The following COBL variants were observed in gnomAD, a reference collection of about 807,000 sequenced individuals.
The protein encoded by COBL is protein cordon-bleu.
COBL carries 51 observed loss-of-function variants against 98.8 expected under a neutral mutation model. That is an observed-to-expected ratio of 0.52 (90% CI 0.41 to 0.65). The LOEUF is 0.65. COBL is among the 30% of genes least tolerant of loss of function. The pLI, the probability that COBL is intolerant of heterozygous loss-of-function variation, is 0.00. For missense variants in COBL, 1,617 were observed against 1,617.5 expected, an observed-to-expected ratio of 1.00 and a Z score of 0.01; for synonymous variants, 634 against 651.7, an observed-to-expected ratio of 0.97 and a Z score of 0.41.
intron 5 of COBL, among the ~76,000 whole-genome samples, chr7:51,141,377 A>T (rs1292834306): frequency 1.3e-5 from 2 of 152,160 alleles, no homozygotes; most frequent in Admixed American, 6.5e-5. Flanking sequence ...ATGGGATCAG[A>T]TCCTCTTAGA....
At chr7:51,315,722 C>A (rs1430589812) in intron 1 of COBL, among the ~76,000 whole-genome samples, 1 of 151,952 alleles carries the variant, frequency 6.6e-6, no homozygotes, top group Non-Finnish European at 1.5e-5. Context: ...CCGGGATGAG[C>A]ACGGCGCACC....
intron 1 of COBL, among the ~76,000 whole-genome samples, chr7:51,220,226 G>A (rs892228947): frequency 2.6e-4 from 39 of 152,200 alleles, no homozygotes; most frequent in African/African-American, 9.2e-4. Context: ...TCAAGGGGAG[G>A]GTGGGTGCAG....
At position 51,136,264 on chromosome 7, in the gene COBL, G is replaced by T; in HGVS notation, c.851C>A (p.Ser284Ter). ...SRSLTLGPSLSLGSISGVSVK... is the reference protein window; with the variant it reads ...SRSLTLGPSL The stretch of plus-strand genomic sequence containing the variant: ...GGACACCCCTGAGATGCTGCCCAGC[G>T]AGAGGGATGGACCCAGCGTAAGAGA... The change falls in exon 6 of 13, where the codon TCG (serine) becomes TAG (stop). Residue 284 changes from serine to a stop codon, truncating the protein, a stop_gained. Transcript: ENST00000265136. LOFTEE classifies it high-confidence loss of function. 6.2e-7 allele frequency: 1 copy of T among 1,614,078 alleles called. No individual in the cohort carries two copies. The highest frequency in any genetic ancestry group is 8.5e-7 in the Non-Finnish European group (1 of 1,180,028).
intron 1 of COBL, among the ~76,000 whole-genome samples, chr7:51,278,633 G>C (rs1584388436): frequency 6.6e-6 from 1 of 151,960 alleles, no homozygotes; most frequent in East Asian, 1.9e-4. Context: ...ACCCACCTCA[G>C]CCTCCCAAAG....
chr7:51,136,542 G>T (rs1799255974), intron 5 of COBL, among the ~76,000 whole-genome samples: 1 of 152,140 alleles, frequency 6.6e-6, no homozygotes, highest in Non-Finnish European at 1.5e-5. Context: ...ATGCTGTGAG[G>T]CTCCCTTTCT....
chr7:51,201,729 A>C (rs903277838), intron 2 of COBL, among the ~76,000 whole-genome samples: 2 of 152,200 alleles, frequency 1.3e-5, no homozygotes, highest in African/African-American at 4.8e-5. Flanking sequence ...GAGGTCTGAA[A>C]ATTTTAGTAA....
intron 7 of COBL, among the ~76,000 whole-genome samples, chr7:51,047,880 GT>G (rs1254637245): frequency 7.4e-6 from 1 of 134,688 alleles, no homozygotes; most frequent in Non-Finnish European, 1.5e-5. Flanking sequence ...CAATAATTTT[GT>G]GGGGGCCAGG....
At chr7:51,088,828 C>T (rs1325107570) in intron 6 of COBL, among the ~76,000 whole-genome samples, 1 of 152,224 alleles carries the variant, frequency 6.6e-6, no homozygotes, top group Non-Finnish European at 1.5e-5. Flanking sequence ...GGAAGCCCAG[C>T]TCCTGCCTGA....
At chr7:51,018,975 T>A (rs1786646706) in intron 12 of COBL, among the ~76,000 whole-genome samples, 2 of 140,026 alleles carry the variant, frequency 1.4e-5, no homozygotes, top group Admixed American at 7.3e-5. Context: ...CAATTTTTTT[T>A]AAGCTCACCA....
At position 51,016,600 on chromosome 7, in the gene COBL, G is replaced by T; in HGVS notation, c.*951C>A. ...AGCCAATGAGCTGTTGGACAAACGC[G>T]TCAAGGCTGAACCAAAATTGTGATG... is the stretch of plus-strand genomic sequence containing the variant. On this transcript the variant is annotated 3_prime_UTR_variant, in exon 13 of 13. Transcript: ENST00000265136. 1 of 221,276 alleles carries T rather than the reference G, an allele frequency of 4.5e-6. No homozygotes were observed. Among genetic ancestry groups the T allele is most frequent in the Non-Finnish European group, 8.8e-6 (1 of 113,536 alleles). The allele number at this position is 221,276 out of a possible 1,614,324, so 13.7% of individuals were successfully genotyped here.
At chr7:51,276,288 A>G (rs961653544) in intron 1 of COBL, among the ~76,000 whole-genome samples, 3 of 152,232 alleles carry the variant, frequency 2.0e-5, no homozygotes, top group Non-Finnish European at 4.4e-5. Context: ...AGTAAAAGGC[A>G]GCAGCACCAA....
chr7:51,210,726 C>T (rs530151029), intron 2 of COBL, among the ~76,000 whole-genome samples: 1 of 152,190 alleles, frequency 6.6e-6, no homozygotes, highest in Non-Finnish European at 1.5e-5. Context: ...AAATTCAGCT[C>T]GATTGACTAC....
chr7:51,064,903 C>T, intron 7 of COBL: 1 of 521,970 alleles, frequency 1.9e-6, no homozygotes, highest in East Asian at 3.1e-5. Context: ...GGCCCTGCTG[C>T]CTGGAAAGGA....
chr7:51,101,934 C>A (rs550552933), intron 6 of COBL, among the ~76,000 whole-genome samples: 1 of 152,122 alleles, frequency 6.6e-6, no homozygotes, highest in Non-Finnish European at 1.5e-5. Flanking sequence ...GAAGGTGGAG[C>A]CTTTGGGAAG....
chr7:51,099,474 T>C (rs1235669953), intron 6 of COBL, among the ~76,000 whole-genome samples: 1 of 152,200 alleles, frequency 6.6e-6, no homozygotes, highest in Admixed American at 6.5e-5. Context: ...AAGGTTATGC[T>C]AAGTGAAATA....
At chr7:51,155,991 T>C (rs1011059089) in intron 5 of COBL, among the ~76,000 whole-genome samples, 2 of 152,198 alleles carry the variant, frequency 1.3e-5, no homozygotes, top group Admixed American at 6.5e-5. Context: ...AGTTTCTCCA[T>C]AAACCACTGT....
rs532366936 is a variant in COBL, at chr7:51,025,089, G to A, written c.3768+20C>T. ...CAACCCTCTGGCCCCATTGAAATGCGCACACACAGTCGCCATCACCTTTCT... is the reference window on the plus strand; with the variant it reads ...CAACCCTCTGGCCCCATTGAAATGCACACACACAGTCGCCATCACCTTTCT... On this transcript the variant is annotated intron_variant, in intron 12 of 12. Transcript: ENST00000265136. 82 of 1,611,872 alleles carry A rather than the reference G, an allele frequency of 5.1e-5. No individual in the cohort carries two copies. In the East Asian group the frequency reaches 1.1e-3, roughly 21 times the overall value.
intron 1 of COBL, among the ~76,000 whole-genome samples, chr7:51,290,349 G>A (rs943582404): frequency 6.6e-6 from 1 of 152,190 alleles, no homozygotes; most frequent in African/African-American, 2.4e-5. Context: ...TGAAGGAACA[G>A]GCAAACTAGA....
At chr7:51,290,267 A>T (rs1287440085) in intron 1 of COBL, among the ~76,000 whole-genome samples, 1 of 152,196 alleles carries the variant, frequency 6.6e-6, no homozygotes, top group Admixed American at 6.5e-5. Context: ...CCAGAGGACA[A>T]TGTGTGCCAT....
Sources: allele counts gnomAD v4.1 joint callset (sites outside exome capture counted in the v4.1 genomes callset), GRCh38; gene constraint gnomAD v4.1.1; transcripts MANE v1.5; gene names NCBI Gene and HGNC (gene_info 2026-07-23, HGNC 2026-07-21).